PTPRS: variants seen among roughly 807,000 people sequenced by gnomAD.
The protein encoded by PTPRS is protein tyrosine phosphatase receptor type S.
Under a neutral mutation model 215.3 loss-of-function variants are expected in PTPRS, and 63 were observed. The observed-to-expected ratio is 0.29, with a 90% CI of 0.24 to 0.36. PTPRS has a LOEUF of 0.36. Among genes scored for constraint, PTPRS ranks in the 10% least tolerant of loss-of-function variants. PTPRS has a pLI of 1.00. For synonymous variants in PTPRS, 1,404 were observed against 1,191.4 expected, an observed-to-expected ratio of 1.18 and a Z score of -3.68; for missense variants, 2,258 against 2,825.8, an observed-to-expected ratio of 0.80 and a Z score of 4.56.
intron 9 of PTPRS, among the ~76,000 whole-genome samples, chr19:5,252,946 C>T (rs1599714665): frequency 6.6e-6 from 1 of 151,274 alleles, no homozygotes; most frequent in African/African-American, 2.4e-5. Flanking sequence ...TTTCCAAGTT[C>T]CCCTGGCATC....
intron 4 of PTPRS, among the ~76,000 whole-genome samples, chr19:5,267,431 TG>T (rs559380646): frequency 2.4e-4 from 36 of 152,168 alleles, no homozygotes; most frequent in Non-Finnish European, 4.7e-4. Context: ...ACGAAGCAGG[TG>T]GATCACCTGA....
chr19:5,236,323 G>A (rs866133361), intron 13 of PTPRS, among the ~76,000 whole-genome samples: 5 of 152,264 alleles, frequency 3.3e-5, no homozygotes, highest in Non-Finnish European at 7.3e-5. Context: ...CTGTCCAGGG[G>A]CATGCAGTGA....
intron 3 of PTPRS, among the ~76,000 whole-genome samples, chr19:5,273,814 G>T (rs578240544): frequency 3.3e-5 from 5 of 152,328 alleles, no homozygotes; most frequent in African/African-American, 1.2e-4. Context: ...TTGTGTGCAT[G>T]TGTGAGGGTG....
chr19:5,290,270 A>T (rs2048700352), intron 1 of PTPRS, among the ~76,000 whole-genome samples: 1 of 152,028 alleles, frequency 6.6e-6, no homozygotes, highest in Admixed American at 6.6e-5. Context: ...AAAAACAGGG[A>T]CTCAGCCAAG....
chr19:5,297,211 G>A (rs779339720), intron 1 of PTPRS, among the ~76,000 whole-genome samples: 37 of 152,296 alleles, frequency 2.4e-4, no homozygotes, highest in Non-Finnish European at 4.4e-4. Flanking sequence ...CACGGGGCTG[G>A]ATCACGTCAG....
At chr19:5,213,539 T>A (rs887114455) in intron 30 of PTPRS, among the ~76,000 whole-genome samples, 1 of 152,294 alleles carries the variant, frequency 6.6e-6, no homozygotes, top group Non-Finnish European at 1.5e-5. Context: ...TTGTGGTCTG[T>A]GTCTTGTCTA....
intron 1 of PTPRS, among the ~76,000 whole-genome samples, chr19:5,306,302 G>A (rs1030464370): frequency 7.2e-5 from 11 of 151,930 alleles, no homozygotes; most frequent in East Asian, 2.0e-4. Context: ...GCGCCACCAC[G>A]CCTGGCTAAT....
rs1323876561 is a variant in PTPRS, at chr19:5,246,052, AG to A, written c.719-8del. 22 of 1,056,010 alleles carry A rather than the reference AG, an allele frequency of 2.1e-5. No homozygotes were observed. Among genetic ancestry groups the A allele is most frequent in the Non-Finnish European group, 2.2e-5 (19 of 851,598 alleles). The allele number at this position is 1,056,010 out of a possible 1,614,324, so 65.4% of individuals were successfully genotyped here. A position where few individuals can be genotyped will look rare whatever the true frequency, so the allele number is the denominator to read the frequency against. ...CGCGGGGCCACGCGGCGGACTGGGG[AG>A]GGGGCGGCAGTGGCGGCGGGAGGGA... is the stretch of plus-strand genomic sequence containing the variant. On this transcript the variant is annotated splice_polypyrimidine_tract_variant and splice_region_variant and intron_variant, in intron 9 of 37. Transcript: ENST00000262963.
At chr19:5,324,226 CAAAAAAA>C (rs55793961) in intron 1 of PTPRS, among the ~76,000 whole-genome samples, 260 of 73,858 alleles carry the variant, frequency 3.5e-3, no homozygotes, top group Non-Finnish European at 5.1e-3. Context: ...AACCCTGCCT[CAAAAAAA>C]AAAAAAAAAA....
At chr19:5,233,420 TTAAC>T (rs1162123481) in intron 13 of PTPRS, among the ~76,000 whole-genome samples, 2 of 151,226 alleles carry the variant, frequency 1.3e-5, no homozygotes, top group South Asian at 2.1e-4. Context: ...GCTCCATTTA[TTAAC>T]TACCTACTAT....
chr19:5,299,219 T>C (rs1471506663), intron 1 of PTPRS, among the ~76,000 whole-genome samples: 1 of 152,164 alleles, frequency 6.6e-6, no homozygotes, highest in African/African-American at 2.4e-5. Flanking sequence ...CAAGTCCTCC[T>C]GGTGGCCCAC....
intron 1 of PTPRS, among the ~76,000 whole-genome samples, chr19:5,330,432 C>A (rs1191196710): frequency 6.6e-6 from 1 of 152,196 alleles, no homozygotes; most frequent in South Asian, 2.1e-4. Context: ...GCCCCCACCA[C>A]GGGGGACTTT....
At chr19:5,250,616 G>GC (rs1555779504) in intron 9 of PTPRS, among the ~76,000 whole-genome samples, 1 of 39,592 alleles carries the variant, frequency 2.5e-5, no homozygotes, top group Non-Finnish European at 6.0e-5. Flanking sequence ...GGGGGTCCCA[G>GC]CGGGGGGACC....
chr19:5,235,907 G>A (rs894537652), intron 13 of PTPRS, among the ~76,000 whole-genome samples: 3 of 152,230 alleles, frequency 2.0e-5, no homozygotes, highest in East Asian at 1.9e-4. Context: ...ATGGCCAGAC[G>A]CTGTGCTGAG....
chr19:5,312,052 A>T (rs1220675718), intron 1 of PTPRS, among the ~76,000 whole-genome samples: 3 of 152,012 alleles, frequency 2.0e-5, no homozygotes, highest in African/African-American at 7.2e-5. Flanking sequence ...AAAAAAAAAA[A>T]AAAGAAAGAA....
In PTPRS at chr19:5,247,970, C is replaced by CGGGGCATGGGGAGACAGAA. The variant is rs1330907580; in HGVS notation, c.719-1944_719-1926dup. ...GAGGGTACTGCTCCAGGGGAGGAGT[C>CGGGGCATGGGGAGACAGAA]GGGGCATGGGGAGACAGAAGGGCCA... On this transcript the variant is annotated intron_variant, in intron 9 of 37. Transcript: ENST00000262963. 4.9e-5 allele frequency among the ~76,000 whole-genome samples: 7 copies of CGGGGCATGGGGAGACAGAA among 141,724 alleles called. No homozygotes were observed. In the Admixed American group the frequency reaches 5.1e-4, roughly 10 times the overall value. The allele number at this position is 141,724 out of a possible 152,430, so 93.0% of individuals were successfully genotyped here. A position where few individuals can be genotyped will look rare whatever the true frequency, so the allele number is the denominator to read the frequency against.
intron 2 of PTPRS, among the ~76,000 whole-genome samples, chr19:5,283,461 C>T (rs902139521): frequency 2.6e-5 from 4 of 152,134 alleles, no homozygotes; most frequent in African/African-American, 9.7e-5. Context: ...CCAGTAATCC[C>T]AGCTACTCGG....
chr19:5,255,624 CAA>C (rs2045491985), intron 9 of PTPRS, among the ~76,000 whole-genome samples: 1 of 150,482 alleles, frequency 6.6e-6, no homozygotes, highest in Non-Finnish European at 1.5e-5. Context: ...AAAAGAAAAC[CAA>C]AAGAGAAAAA....
rs772092724 is a variant in PTPRS, at chr19:5,274,367, G to A, written c.92-23C>T. 16 of 1,596,832 alleles carry A rather than the reference G, an allele frequency of 1.0e-5. No homozygotes were observed. In the African/African-American group the frequency reaches 1.5e-4, roughly 15 times the overall value. On this transcript the variant is annotated intron_variant, in intron 2 of 37. Coordinates refer to ENST00000262963, the MANE Select transcript of PTPRS (RefSeq NM_002850.4). ...GCTCTGGGGATACAGTGGAAAGAAG[G>A]GGGGGCGCTGATGGGTCCAGGCATC...
Sources: gnomAD v4.1 joint callset for allele counts (sites outside exome capture counted in the v4.1 genomes callset) on GRCh38, gnomAD v4.1.1 for gene constraint, MANE v1.5 for transcripts, NCBI Gene and HGNC (gene_info 2026-07-23, HGNC 2026-07-21) for gene names.